The following COLEC10 variants were observed in gnomAD, a reference collection of about 807,000 sequenced individuals.
COLEC10 encodes the protein collectin subfamily member 10.
A neutral mutation model predicts 28.4 loss-of-function variants in COLEC10; 22 were observed. The observed-to-expected ratio is 0.78, with a 90% CI of 0.55 to 1.11. The LOEUF (loss-of-function observed/expected upper bound fraction) is 1.11, where lower values mean the gene tolerates loss of function less well. Ranked by LOEUF, COLEC10 falls within the 50% of genes least tolerant of loss-of-function variation. COLEC10 has a pLI of 0.00. For synonymous variants in COLEC10, 125 were observed against 116.1 expected, an observed-to-expected ratio of 1.08 and a Z score of -0.49; for missense variants, 361 against 344.1, an observed-to-expected ratio of 1.05 and a Z score of -0.39.
chr8:119,056,059 A>G (rs186087429), intron 2 of COLEC10, among the ~76,000 whole-genome samples: 21 of 152,142 alleles, frequency 1.4e-4, no homozygotes, highest in African/African-American at 5.1e-4. Context: ...ACCGCATCCA[A>G]TTGTTTAAGG....
At chr8:119,093,573 G>A (rs1381247833) in intron 3 of COLEC10, among the ~76,000 whole-genome samples, 1 of 152,150 alleles carries the variant, frequency 6.6e-6, no homozygotes, top group Non-Finnish European at 1.5e-5. Flanking sequence ...CCACAGCAAT[G>A]GGTTCACATG....
intron 2 of COLEC10, among the ~76,000 whole-genome samples, chr8:119,011,421 C>T (rs1813898790): frequency 6.6e-6 from 1 of 150,716 alleles, no homozygotes; most frequent in Non-Finnish European, 1.5e-5. Flanking sequence ...GCCAGTCCTC[C>T]AATTCTGCTT....
chr8:118,987,942 A>G, the COLEC10 span, among the ~76,000 whole-genome samples: 1 of 152,126 alleles, frequency 6.6e-6, no homozygotes, highest in African/African-American at 2.4e-5. Flanking sequence ...CTGTCCTTAG[A>G]ACAATAAAAG....
chr8:119,011,085 G>T (rs1813893938), intron 2 of COLEC10, among the ~76,000 whole-genome samples: 1 of 150,872 alleles, frequency 6.6e-6, no homozygotes, highest in African/African-American at 2.5e-5. Context: ...AAGTCATCTA[G>T]ATTTTCTTCT....
chr8:118,989,726 A>ATGTGTGTGTGTGTGTGTG, the COLEC10 span, among the ~76,000 whole-genome samples: 1,077 of 151,296 alleles, frequency 7.1e-3, 12 homozygotes, highest in African/African-American at 0.024. Flanking sequence ...AAAAATTTGC[A>ATGTGTGTGTGTGTGTGTG]TGTGTGTGTG....
At chr8:118,954,620 C>T in the COLEC10 span, among the ~76,000 whole-genome samples, 1 of 152,196 alleles carries the variant, frequency 6.6e-6, no homozygotes, top group South Asian at 2.1e-4. Flanking sequence ...TTTCTAGGCA[C>T]CAGATATATG....
chr8:119,087,134 T>C (rs1329012812), intron 1 of COLEC10, among the ~76,000 whole-genome samples: 1 of 152,206 alleles, frequency 6.6e-6, no homozygotes, highest in African/African-American at 2.4e-5. Flanking sequence ...AATACTGCTA[T>C]TATATTTGTA....
chr8:119,085,711 C>T (rs763258015), intron 1 of COLEC10, among the ~76,000 whole-genome samples: 90 of 150,334 alleles, frequency 6.0e-4, no homozygotes, highest in Middle Eastern at 6.8e-3. Flanking sequence ...CTCTGCCTCC[C>T]GAGTTCAAGC....
At chr8:119,038,947 C>G (rs1814440396) in intron 2 of COLEC10, among the ~76,000 whole-genome samples, 1 of 152,040 alleles carries the variant, frequency 6.6e-6, no homozygotes, top group Non-Finnish European at 1.5e-5. Context: ...TACTATTATA[C>G]ATAGAATTAC....
chr8:119,021,287 T>A (rs1814086968), intron 2 of COLEC10, among the ~76,000 whole-genome samples: 1 of 152,212 alleles, frequency 6.6e-6, no homozygotes, highest in Non-Finnish European at 1.5e-5. Flanking sequence ...TATTTCCAAA[T>A]TTATGCTAAC....
At chr8:119,064,211 A>C (rs1814909875), upstream of COLEC10, among the ~76,000 whole-genome samples, 2 of 152,200 alleles carry the variant, frequency 1.3e-5, no homozygotes, top group African/African-American at 2.4e-5. Context: ...TTTTATATAA[A>C]ATATGTGAAT....
chr8:119,042,108 C>G (rs1814509928), intron 2 of COLEC10, among the ~76,000 whole-genome samples: 2 of 151,902 alleles, frequency 1.3e-5, no homozygotes, highest in African/African-American at 4.8e-5. Flanking sequence ...AGCAATTCCC[C>G]TGTTTCAGCC....
At chr8:118,978,136 A>G in the COLEC10 span, among the ~76,000 whole-genome samples, 1 of 152,156 alleles carries the variant, frequency 6.6e-6, no homozygotes, top group Non-Finnish European at 1.5e-5. Context: ...AGATAAAATC[A>G]AGTTCATTGT....
At chr8:119,026,113 A>G (rs1036677684) in intron 2 of COLEC10, among the ~76,000 whole-genome samples, 1 of 152,168 alleles carries the variant, frequency 6.6e-6, no homozygotes, top group Non-Finnish European at 1.5e-5. Context: ...TTTTCATTTT[A>G]AGTACATTTT....
At chr8:119,092,011 G>A (rs1431423090) in intron 3 of COLEC10, among the ~76,000 whole-genome samples, 2 of 151,702 alleles carry the variant, frequency 1.3e-5, no homozygotes, top group African/African-American at 4.8e-5. Context: ...TCTATTAACA[G>A]GATAGAAACT....
At chr8:118,986,111 T>A in the COLEC10 span, among the ~76,000 whole-genome samples, 1 of 152,042 alleles carries the variant, frequency 6.6e-6, no homozygotes, top group Non-Finnish European at 1.5e-5. Flanking sequence ...ATGATGAATA[T>A]CAATATTAAT....
In COLEC10 at chr8:119,102,232, CTCCCTCCCTCCTTCCT is replaced by C. The variant is rs1266239389; in HGVS notation, c.293-113_293-98del. On this transcript the variant is annotated intron_variant, in intron 3 of 5. Transcript: ENST00000332843. ...CCTTCCTCCCTCCCTCCCTCCCTCC[CTCCCTCCCTCCTTCCT>C]TCTTTTCCTTCCTTCATTCCCTTCC... 439 of 272,896 alleles carry C rather than the reference CTCCCTCCCTCCTTCCT, an allele frequency of 1.6e-3. 1 individual carries two copies. Among genetic ancestry groups the C allele is most frequent in the Non-Finnish European group, 2.4e-3 (349 of 143,450 alleles). The allele number at this position is 272,896 out of a possible 1,614,324, so 16.9% of individuals were successfully genotyped here. A position where few individuals can be genotyped will look rare whatever the true frequency, so the allele number is the denominator to read the frequency against.
chr8:118,956,885 T>C, the COLEC10 span, among the ~76,000 whole-genome samples: 1 of 152,106 alleles, frequency 6.6e-6, no homozygotes, highest in South Asian at 2.1e-4. Context: ...TTCTTAATAG[T>C]CAATGAGGTG....
chr8:119,072,287 C>T (rs73325491), intron 1 of COLEC10, among the ~76,000 whole-genome samples: 3,655 of 152,276 alleles, frequency 0.024, 60 homozygotes, highest in Non-Finnish European at 0.031. Context: ...GCTGAGCACA[C>T]ATTGAGTAGC....
Sources: allele counts gnomAD v4.1 joint callset (sites outside exome capture counted in the v4.1 genomes callset), GRCh38; gene constraint gnomAD v4.1.1; transcripts MANE v1.5; gene names NCBI Gene and HGNC (gene_info 2026-07-23, HGNC 2026-07-21).